KIF26B: variants seen among roughly 807,000 people sequenced by gnomAD.
The protein encoded by KIF26B is kinesin-like protein KIF26B.
A neutral mutation model predicts 151.2 loss-of-function variants in KIF26B; 63 were observed. The observed-to-expected ratio is 0.42, with a 90% confidence interval of 0.34 to 0.51. The LOEUF (loss-of-function observed/expected upper bound fraction) is 0.51, where lower values mean the gene tolerates loss of function less well. KIF26B is among the 20% of genes least tolerant of loss of function. The pLI is 0.07. For synonymous variants in KIF26B, 1,357 were observed against 1,262.1 expected, an observed-to-expected ratio of 1.08 and a Z score of -1.59; for missense variants, 2,813 against 2,913.6, an observed-to-expected ratio of 0.97 and a Z score of 0.79.
At chr1:245,226,736 T>C (rs1669884786) in intron 2 of KIF26B, among the ~76,000 whole-genome samples, 1 of 152,132 alleles carries the variant, frequency 6.6e-6, no homozygotes, top group African/African-American at 2.4e-5. Context: ...GTGCTGGGAT[T>C]ATAGGCATAA....
intron 3 of KIF26B, among the ~76,000 whole-genome samples, chr1:245,387,889 C>T (rs1673591352): frequency 6.6e-6 from 1 of 152,200 alleles, no homozygotes; most frequent in East Asian, 1.9e-4. Context: ...ATCCACTTCC[C>T]CCAACCTCTG....
chr1:245,581,223 G>T (rs1470657068), intron 5 of KIF26B, among the ~76,000 whole-genome samples: 1 of 152,170 alleles, frequency 6.6e-6, no homozygotes, highest in African/African-American at 2.4e-5. Flanking sequence ...CAGATACATG[G>T]TCCACACTCA....
chr1:245,453,422 T>C (rs1323628640), intron 4 of KIF26B, among the ~76,000 whole-genome samples: 11 of 152,204 alleles, frequency 7.2e-5, no homozygotes, highest in Admixed American at 7.2e-4. Flanking sequence ...CATTAAAAGA[T>C]TATTGATTTT....
chr1:245,440,911 GT>G lies in KIF26B; in HGVS notation c.1166+21167del, dbSNP rs202228250. On this transcript the variant is annotated intron_variant, in intron 4 of 14. Transcript: ENST00000407071. ...GCAGGCTGCCGTAGGATGACCTCAGGTGTCCCATGTTTTGGGTGGGAATGTC... is the reference window on the plus strand; with the variant it reads ...GCAGGCTGCCGTAGGATGACCTCAGGGTCCCATGTTTTGGGTGGGAATGTC... 6.2e-4 allele frequency among the ~76,000 whole-genome samples: 95 copies of G among 152,310 alleles called. 1 individual carries two copies. The East Asian group carries it at 0.016, about 26-fold the overall frequency.
chr1:245,547,825 G>A (rs927372535), intron 5 of KIF26B, among the ~76,000 whole-genome samples: 1 of 152,138 alleles, frequency 6.6e-6, no homozygotes, highest in African/African-American at 2.4e-5. Flanking sequence ...TGTCTACACA[G>A]AGCAAAATGG....
chr1:245,494,237 C>T (rs1341763896), intron 4 of KIF26B, among the ~76,000 whole-genome samples: 3 of 152,100 alleles, frequency 2.0e-5, no homozygotes, highest in Admixed American at 6.6e-5. Context: ...ACCTGGGAGG[C>T]GGAGGTTACA....
At chr1:245,206,119 C>G (rs1251733476) in intron 2 of KIF26B, among the ~76,000 whole-genome samples, 1 of 152,166 alleles carries the variant, frequency 6.6e-6, no homozygotes, top group Non-Finnish European at 1.5e-5. Flanking sequence ...TTTGTTGACT[C>G]ATACCTTGGG....
At chr1:245,183,048 T>G (rs1323840837) in intron 2 of KIF26B, among the ~76,000 whole-genome samples, 1 of 152,248 alleles carries the variant, frequency 6.6e-6, no homozygotes, top group African/African-American at 2.4e-5. Context: ...GATTTGCATT[T>G]CACTAATGAC....
intron 4 of KIF26B, among the ~76,000 whole-genome samples, chr1:245,468,816 C>T (rs745703791): frequency 1.3e-5 from 2 of 152,182 alleles, no homozygotes; most frequent in Non-Finnish European, 2.9e-5. Flanking sequence ...TTCCCCCTCG[C>T]TATGCTCTTT....
In KIF26B at chr1:245,367,871, G is replaced by A. The variant is rs1056575364; in HGVS notation, c.999+504G>A. On this transcript the variant is annotated intron_variant, in intron 3 of 14. Coordinates refer to ENST00000407071, the MANE Select transcript of KIF26B (RefSeq NM_018012.4). The surrounding 1 kb of genome is among the most constrained non-coding windows in gnomAD (Gnocchi z 4.2). ...TAAGGTAGTGTTTGCATGACATGTAGGCCAACACCTGCCATATAGTAGGGG... is the reference window on the plus strand; with the variant it reads ...TAAGGTAGTGTTTGCATGACATGTAAGCCAACACCTGCCATATAGTAGGGG... Among the ~76,000 whole-genome samples, 4 of 152,206 alleles carry A rather than the reference G, an allele frequency of 2.6e-5. No homozygotes were observed. Among genetic ancestry groups the A allele is most frequent in the African/African-American group, 9.6e-5 (4 of 41,452 alleles).
chr1:245,220,098 C>G (rs933210551), intron 2 of KIF26B, among the ~76,000 whole-genome samples: 2 of 152,180 alleles, frequency 1.3e-5, no homozygotes, highest in Non-Finnish European at 2.9e-5. Context: ...GAGCTTCGGC[C>G]TCTCTCTCCG....
At position 245,352,237 on chromosome 1, in the gene KIF26B, C is replaced by G. The variant is rs971585412; in HGVS notation, c.466-14597C>G. On this transcript the variant is annotated intron_variant, in intron 2 of 14. Transcript: ENST00000407071. The surrounding 1 kb of genome is among the most constrained non-coding windows in gnomAD (Gnocchi z 5.0). ...TCTTCTAGGTTTTTATTCTACCATT[C>G]CTACCTCCAGTTTTTTGTTTGTTTG... Among the ~76,000 whole-genome samples, 1 of 152,172 alleles carries G rather than the reference C, an allele frequency of 6.6e-6. No homozygotes were observed. The highest frequency in any genetic ancestry group is 2.4e-5 in the African/African-American group (1 of 41,446).
At chr1:245,664,316 G>A (rs1004326133) in intron 10 of KIF26B, among the ~76,000 whole-genome samples, 2 of 148,910 alleles carry the variant, frequency 1.3e-5, no homozygotes, top group African/African-American at 2.5e-5. Context: ...CCGAGATCAC[G>A]CCATTGCACT....
chr1:245,418,411 A>G (rs538087034), intron 3 of KIF26B, among the ~76,000 whole-genome samples: 1 of 152,384 alleles, frequency 6.6e-6, no homozygotes, highest in East Asian at 1.9e-4. Flanking sequence ...AAGTAAGAGC[A>G]TGAATTTAAG....
In KIF26B at chr1:245,674,486, T is replaced by G. The variant is rs902957199; in HGVS notation, c.2259-9747T>G. On this transcript the variant is annotated intron_variant, in intron 10 of 14. Transcript: ENST00000407071. ...GCACAGGGTCTTATTACCGAATCTTTCAGCACATCTTCATTTCATCTTTAA... is the reference window on the plus strand; with the variant it reads ...GCACAGGGTCTTATTACCGAATCTTGCAGCACATCTTCATTTCATCTTTAA... 6.6e-5 allele frequency among the ~76,000 whole-genome samples: 10 copies of G among 152,214 alleles called. No individual in the cohort carries two copies. In the East Asian group the frequency reaches 1.9e-3, roughly 29 times the overall value.
At chr1:245,514,534 AAATAAT>A (rs550838732) in intron 4 of KIF26B, among the ~76,000 whole-genome samples, 5 of 151,948 alleles carry the variant, frequency 3.3e-5, no homozygotes, top group African/African-American at 1.2e-4. Flanking sequence ...TCCATCTCAA[AAATAAT>A]AATAATAATA....
chr1:245,173,692 G>A (rs1668753978), intron 2 of KIF26B, among the ~76,000 whole-genome samples: 2 of 152,204 alleles, frequency 1.3e-5, no homozygotes, highest in Non-Finnish European at 2.9e-5. Context: ...TCCCTTGGAG[G>A]GAAAGGGGAT....
rs1425154232 is a variant in KIF26B at position 245,318,198 on chromosome 1, T to G, written c.466-48636T>G. The stretch of plus-strand genomic sequence containing the variant: ...TTTAATTCTGGGTCAAATCAGCAAA[T>G]GTTTATTAAGTACACACAACAGACA... On this transcript the variant is annotated intron_variant, in intron 2 of 14. Transcript: ENST00000407071. This position sits in a 1 kb window ranked among gnomAD's most constrained non-coding sequence, Gnocchi z 4.0. 6.6e-6 allele frequency among the ~76,000 whole-genome samples: 1 copy of G among 152,180 alleles called. No homozygotes were observed. The highest frequency in any genetic ancestry group is 1.5e-5 in the Non-Finnish European group (1 of 68,044).
intron 2 of KIF26B, among the ~76,000 whole-genome samples, chr1:245,184,129 C>T (rs1573694477): frequency 7.5e-6 from 1 of 133,788 alleles, no homozygotes; most frequent in South Asian, 2.5e-4. Context: ...AGTTATAGCT[C>T]TGGGAAAGTG....
Sources: allele counts gnomAD v4.1 joint callset (sites outside exome capture counted in the v4.1 genomes callset), GRCh38; gene constraint gnomAD v4.1.1; non-coding constraint Gnocchi (gnomAD v3.1); transcripts MANE v1.5; gene names NCBI Gene and HGNC (gene_info 2026-07-23, HGNC 2026-07-21).